The following TBC1D24 variants were observed in gnomAD, a reference collection of about 807,000 sequenced individuals.
TBC1D24 encodes the protein TBC1 domain family member 24, also known as Infantile myoclonic epilepsy.
Under a neutral mutation model 50.7 loss-of-function variants are expected in TBC1D24, and 47 were observed. The ratio of observed to expected loss-of-function variants is 0.93; its 90% CI spans 0.73 to 1.18. The LOEUF (loss-of-function observed/expected upper bound fraction) is 1.18. TBC1D24 is among the 50% of genes most tolerant of loss of function. The pLI, the probability that TBC1D24 is intolerant of heterozygous loss-of-function variation, is 0.00. For synonymous variants in TBC1D24, 324 were observed against 335.2 expected (o/e 0.97, Z 0.36); for missense variants, 688 against 766.5 (o/e 0.90, Z 1.21).
chr16:2,497,457 C>T (rs1046156016), intron 2 of TBC1D24, among the ~76,000 whole-genome samples: 2 of 152,232 alleles, frequency 1.3e-5, no homozygotes, highest in South Asian at 4.1e-4. Flanking sequence ...TGGCTGGTCT[C>T]TGCTGTGGCT....
At chr16:2,491,945 C>T (rs952694653) in intron 1 of TBC1D24, among the ~76,000 whole-genome samples, 1 of 151,924 alleles carries the variant, frequency 6.6e-6, no homozygotes, top group African/African-American at 2.4e-5. Flanking sequence ...GTCCAAAGGT[C>T]GTCCCCGTTC....
At chr16:2,488,656 C>T (rs929173750) in intron 1 of TBC1D24, among the ~76,000 whole-genome samples, 3 of 150,856 alleles carry the variant, frequency 2.0e-5, no homozygotes, top group Admixed American at 6.6e-5. Context: ...GGACTACAGG[C>T]GCCCGCCACC....
rs755711295 is a variant in TBC1D24 at position 2,499,426 on chromosome 16, CA to C, written c.1206+7del. 1 of 1,612,894 alleles carries C rather than the reference CA, an allele frequency of 6.2e-7. No individual in the cohort carries two copies. Among genetic ancestry groups the C allele is most frequent in the Non-Finnish European group, 8.5e-7 (1 of 1,179,550 alleles). The stretch of plus-strand genomic sequence containing the variant: ...TCAAGACCACGCAGAAGGAGGTGAG[CA>C]GGGGCCCTGGAGCCAGGGCTGGCTC... On this transcript the variant is annotated splice_region_variant and intron_variant, in intron 5 of 7. Coordinates refer to ENST00000646147, the MANE Select transcript of TBC1D24 (RefSeq NM_001199107.2). The surrounding 1 kb of genome is among the most constrained non-coding windows in gnomAD (Gnocchi z 4.0).
intron 3 of TBC1D24, 36 bp downstream of exon 3, chr16:2,497,763 G>T: frequency 6.5e-7 from 1 of 1,534,762 alleles, no homozygotes; most frequent in Non-Finnish European, 8.7e-7. Flanking sequence ...CCTGGCCTCT[G>T]TCTTTCCACC....
At position 2,491,598 on chromosome 16, in the gene TBC1D24, A is replaced by G. The variant is rs547805517; in HGVS notation, c.-115-4436A>G. 1.4e-4 allele frequency among the ~76,000 whole-genome samples: 20 copies of G among 146,928 alleles called. No individual in the cohort carries two copies. In the East Asian group the frequency reaches 4.0e-3, roughly 30 times the overall value. ...GAGATGGAGTCTCACTCTGTCGTCC[A>G]GTCTAGAGTGCAGTGGCTCCATCTT... is the stretch of plus-strand genomic sequence containing the variant. On this transcript the variant is annotated intron_variant, in intron 1 of 7. Coordinates refer to ENST00000646147, the MANE Select transcript of TBC1D24 (RefSeq NM_001199107.2).
In TBC1D24 at chr16:2,500,487, G is replaced by A. The variant is rs1048117279; in HGVS notation, c.1522G>A (p.Val508Ile). 6 of 1,560,312 alleles carry A rather than the reference G, an allele frequency of 3.8e-6. No individual in the cohort carries two copies. The highest frequency in any genetic ancestry group is 5.2e-6 in the Non-Finnish European group (6 of 1,153,392). ...FMAGGSDCLI[V>I]GGGGGQALYI... ...GGCGGGGGGCAGCGACTGCCTCATC[G>A]TCGGTGAGCGCCAGCAGACGGGGCT... The change falls in exon 7 of 8, where the codon GTC becomes ATC. Residue 508 changes from valine (V) to isoleucine (I), a missense_variant. By Grantham distance (29) the Val-to-Ile change is conservative. Coordinates refer to ENST00000646147, the MANE Select transcript of TBC1D24 (RefSeq NM_001199107.2). This position sits in a 1 kb window ranked among gnomAD's most constrained non-coding sequence, Gnocchi z 8.0.
chr16:2,496,201 C>T lies in TBC1D24; in HGVS notation c.53C>T (p.Ala18Val). Residue 18 changes from alanine (A) to valine (V), a missense_variant, in exon 2 of 8, where the codon GCC becomes GTC. By Grantham distance (64) the Ala-to-Val change is moderately conservative (BLOSUM62 0). Coordinates refer to ENST00000646147, the MANE Select transcript of TBC1D24 (RefSeq NM_001199107.2). ...CFVDKDKMDA[A>V]IQDLGPKELS... is the part of the protein sequence containing the mutation. The stretch of plus-strand genomic sequence containing the variant: ...GTGGACAAAGACAAGATGGACGCTG[C>T]CATCCAGGACCTGGGGCCCAAGGAG... The T allele has an allele frequency of 6.2e-7, 1 of 1,613,972 alleles. No individual in the cohort carries two copies. Among genetic ancestry groups the T allele is most frequent in the Admixed American group, 1.7e-5 (1 of 60,028 alleles).
In TBC1D24 at chr16:2,485,562, C is replaced by T. The variant is rs1308610376; in HGVS notation, c.-116+10392C>T. The T allele has an allele frequency of 6.6e-6, 1 of 152,158 alleles. No homozygotes were observed. Among genetic ancestry groups the T allele is most frequent in the Non-Finnish European group, 1.5e-5 (1 of 68,028 alleles). The allele number at this position is 152,158 out of a possible 1,614,324, so 9.4% of individuals were successfully genotyped here. A position where few individuals can be genotyped will look rare whatever the true frequency, so the allele number is the denominator to read the frequency against. On this transcript the variant is annotated intron_variant, in intron 1 of 7. Coordinates refer to ENST00000646147, the MANE Select transcript of TBC1D24 (RefSeq NM_001199107.2). This position sits in a 1 kb window ranked among gnomAD's most constrained non-coding sequence, Gnocchi z 4.6. ...GCTGCTCCAGCAAATTCATTGAACCCAAAGCAGGGGTTGTGGGAACCCCAA... is the reference window on the plus strand; with the variant it reads ...GCTGCTCCAGCAAATTCATTGAACCTAAAGCAGGGGTTGTGGGAACCCCAA...
rs899769539 is a variant in TBC1D24, at chr16:2,505,448, G to T, written c.*4490G>T. ...ACAACATGAACTGGCAAAAACATTGGCATTTGGTCAAATGCTTATGAGCTA... is the reference window on the plus strand; with the variant it reads ...ACAACATGAACTGGCAAAAACATTGTCATTTGGTCAAATGCTTATGAGCTA... On this transcript the variant is annotated 3_prime_UTR_variant, in exon 8 of 8. Coordinates refer to ENST00000646147, the MANE Select transcript of TBC1D24 (RefSeq NM_001199107.2). The T allele has an allele frequency of 7.9e-5, 12 of 152,200 alleles. No homozygotes were observed. Among genetic ancestry groups the T allele is most frequent in the Admixed American group, 3.3e-4 (5 of 15,284 alleles). The allele number at this position is 152,200 out of a possible 1,614,324, so 9.4% of individuals were successfully genotyped here.
chr16:2,499,417 G>A lies in TBC1D24; in HGVS notation c.1203G>A (p.Lys401=). ...PTLLLIKTTQ[K]EVCGAYLSTD... is the part of the protein sequence containing the mutation. ...TCTTGCTCATCAAGACCACGCAGAA[G>A]GAGGTGAGCAGGGGCCCTGGAGCCA... is the stretch of plus-strand genomic sequence containing the variant. Residue 401 remains lysine (K), a synonymous_variant, in exon 5 of 8, where the codon AAG becomes AAA. Coordinates refer to ENST00000646147, the MANE Select transcript of TBC1D24 (RefSeq NM_001199107.2). The surrounding 1 kb of genome is among the most constrained non-coding windows in gnomAD (Gnocchi z 4.0). 1 of 1,613,524 alleles carries A rather than the reference G, an allele frequency of 6.2e-7. No individual in the cohort carries two copies. Among genetic ancestry groups the A allele is most frequent in the Non-Finnish European group, 8.5e-7 (1 of 1,179,842 alleles).
chr16:2,484,012 G>C (rs998858245), intron 1 of TBC1D24: 1 of 152,234 alleles, frequency 6.6e-6, no homozygotes. Flanking sequence ...CAGGGGAATG[G>C]GATCGCCAGA....
At chr16:2,495,960 C>T in intron 1 of TBC1D24, 74 bp from the exon 2 acceptor site, 2 of 757,978 alleles carry the variant, frequency 2.6e-6, no homozygotes, top group Non-Finnish European at 4.2e-6. Context: ...AACTACACCA[C>T]ATTTGAAAAA....
chr16:2,496,956 C>T lies in TBC1D24; in HGVS notation c.808C>T (p.Arg270Cys), dbSNP rs375860324. ...GTCGGACAGCGTGAAGCAGGACATC[C>T]GCACGTTCGTCAGAGACATCGCGAA... ...LESDSVKQDIRTFVRDIAKTV... is the reference protein window; with the variant it reads ...LESDSVKQDICTFVRDIAKTV... The change falls in exon 2 of 8, where the codon CGC (arginine) becomes TGC (cysteine). Residue 270 changes from arginine to cysteine, a missense_variant. Arg to Cys is a radical substitution (Grantham distance 180, BLOSUM62 -3). Transcript: ENST00000646147. 120 of 1,613,896 alleles carry T rather than the reference C, an allele frequency of 7.4e-5. No individual in the cohort carries two copies. The highest frequency in any genetic ancestry group is 9.2e-5 in the Non-Finnish European group (109 of 1,180,054).
Position 2,490,656 on chromosome 16 carries a change from C to T in TBC1D24, c.-115-5378C>T, listed in dbSNP as rs191388951. Among the ~76,000 whole-genome samples, 13 of 152,292 alleles carry T rather than the reference C, an allele frequency of 8.5e-5. No homozygotes were observed. The East Asian group carries it at 1.4e-3, about 16-fold the overall frequency. ...CAGGGGTTGCTTGGGAACTGTTGCC[C>T]GTGAGGAGTTGGGTGTTATTATCGG... On this transcript the variant is annotated intron_variant, in intron 1 of 7. Coordinates refer to ENST00000646147, the MANE Select transcript of TBC1D24 (RefSeq NM_001199107.2).
At chr16:2,478,840 C>A (rs2065588943) in intron 1 of TBC1D24, 1 of 151,684 alleles carries the variant, frequency 6.6e-6, no homozygotes, top group African/African-American at 2.4e-5. Flanking sequence ...CTCAAGCGAT[C>A]CCCTTGCCTC....
Position 2,500,979 on chromosome 16 carries a change from G to A in TBC1D24, c.*21G>A, listed in dbSNP as rs1327764273. ...AGTGACGGCCTGTGCCACGGTGACT[G>A]AGCCGTGGTGGGGCGGTGGGCCGAG... On this transcript the variant is annotated 3_prime_UTR_variant, in exon 8 of 8. Coordinates refer to ENST00000646147, the MANE Select transcript of TBC1D24 (RefSeq NM_001199107.2). The surrounding 1 kb of genome is among the most constrained non-coding windows in gnomAD (Gnocchi z 8.0). 1.0e-5 allele frequency: 16 copies of A among 1,606,894 alleles called. No homozygotes were observed. The highest frequency in any genetic ancestry group is 1.7e-5 in the Admixed American group (1 of 59,962).
chr16:2,498,573 G>T (rs1210466586), intron 4 of TBC1D24, among the ~76,000 whole-genome samples, 177 bp downstream of exon 4: 1 of 152,236 alleles, frequency 6.6e-6, no homozygotes, highest in Non-Finnish European at 1.5e-5. Context: ...CCAGACTTTG[G>T]GGGTCATGGC....
rs1285748321 is a variant in TBC1D24, at chr16:2,503,974, CAGAT to C, written c.*3017_*3020del. ...AGTTTATTAAATGAATTCATTAAAG[CAGAT>C]TATATGCCTTTGGGGCTTCAGAAAA... On this transcript the variant is annotated 3_prime_UTR_variant, in exon 8 of 8. Coordinates refer to ENST00000646147, the MANE Select transcript of TBC1D24 (RefSeq NM_001199107.2). 1.3e-5 allele frequency: 2 copies of C among 152,154 alleles called. No individual in the cohort carries two copies. The highest frequency in any genetic ancestry group is 2.9e-5 in the Non-Finnish European group (2 of 68,026). 9.4% of individuals were successfully genotyped at this position (152,154 alleles called of 1,614,324 possible).
intron 1 of TBC1D24, chr16:2,484,744 T>C (rs763678795): frequency 3.3e-5 from 5 of 152,300 alleles, no homozygotes; most frequent in Non-Finnish European, 7.3e-5. Flanking sequence ...TGGGGCTATA[T>C]GGCAGGAGGA....
Sources: gnomAD v4.1 joint callset for allele counts (sites outside exome capture counted in the v4.1 genomes callset) on GRCh38, gnomAD v4.1.1 for gene constraint, Gnocchi (gnomAD v3.1) non-coding constraint, MANE v1.5 for transcripts, NCBI Gene and HGNC (gene_info 2026-07-23, HGNC 2026-07-21) for gene names.